Variants in LVRN observed in about 807,000 individuals in gnomAD.
LVRN encodes the protein aminopeptidase Q.
In LVRN, 99 loss-of-function variants were observed where a neutral mutation model predicts 111.4. The observed-to-expected ratio is 0.89, with a 90% CI of 0.76 to 1.05. LVRN has a LOEUF of 1.05. Among genes scored for constraint, LVRN ranks in the 50% least tolerant of loss-of-function variants. LVRN has a pLI of 0.00. For synonymous variants in LVRN, 488 were observed against 449.5 expected (o/e 1.09, Z -1.08); for missense variants, 1,414 against 1,206.8 (o/e 1.17, Z -2.54).
intron 19 of LVRN, among the ~76,000 whole-genome samples, chr5:116,025,723 C>T (rs1321397241): frequency 6.6e-6 from 1 of 152,140 alleles, no homozygotes; most frequent in Non-Finnish European, 1.5e-5. Flanking sequence ...TCAATATGTG[C>T]TTTGGGAATA....
Position 115,993,722 on chromosome 5 carries a change from T to A in LVRN, c.1261-19T>A. The A allele has an allele frequency of 6.6e-7, 1 of 1,508,174 alleles. No individual in the cohort carries two copies. The highest frequency in any genetic ancestry group is 9.1e-7 in the Non-Finnish European group (1 of 1,096,908). 93.4% of individuals were successfully genotyped at this position (1,508,174 alleles called of 1,614,324 possible). ...AATTAAATTTAAGAAAGCTCTTTTTTTCTTCTCATTTCCAAAAGTGGTTTG... is the reference window on the plus strand; with the variant it reads ...AATTAAATTTAAGAAAGCTCTTTTTATCTTCTCATTTCCAAAAGTGGTTTG... On this transcript the variant is annotated intron_variant, in intron 5 of 19. Coordinates refer to ENST00000357872, the MANE Select transcript of LVRN (RefSeq NM_173800.5).
intron 16 of LVRN, among the ~76,000 whole-genome samples, 181 bp downstream of exon 16, chr5:116,014,708 C>T (rs534994111): frequency 3.3e-5 from 5 of 152,226 alleles, no homozygotes; most frequent in East Asian, 3.9e-4. Flanking sequence ...CTGTGTATAA[C>T]GATAGACTAG....
chr5:115,970,629 C>G (rs1302535880), intron 1 of LVRN, among the ~76,000 whole-genome samples: 2 of 152,172 alleles, frequency 1.3e-5, no homozygotes, highest in Non-Finnish European at 2.9e-5. Context: ...TTGTGATCCA[C>G]TCACCTTGGC....
At position 116,022,422 on chromosome 5, in the gene LVRN, TATACA is replaced by T. The variant is rs1435942839; in HGVS notation, c.2792_2796del (p.Thr931ArgfsTer19). The T allele has an allele frequency of 1.3e-6, 2 of 1,572,950 alleles. No individual in the cohort carries two copies. Among genetic ancestry groups the T allele is most frequent in the Non-Finnish European group, 1.7e-6 (2 of 1,151,460 alleles). ...AACACAATCATTGATTAATCTAATA[TATACA>T]ATAGGGAGAACCGTAACTACAGATT... is the stretch of plus-strand genomic sequence containing the variant. On this transcript the variant is annotated frameshift_variant, in exon 19 of 20. Coordinates refer to ENST00000357872, the MANE Select transcript of LVRN (RefSeq NM_173800.5). LOFTEE classifies it low-confidence loss of function (END_TRUNC).
chr5:116,025,825 C>T (rs1484078656), intron 19 of LVRN, among the ~76,000 whole-genome samples, 153 bp from the exon 20 acceptor site: 2 of 152,164 alleles, frequency 1.3e-5, no homozygotes, highest in African/African-American at 4.8e-5. Context: ...TCACAGTCTC[C>T]CCAGGGACAC....
At chr5:115,966,137 T>C (rs1580373213) in intron 1 of LVRN, among the ~76,000 whole-genome samples, 1 of 152,138 alleles carries the variant, frequency 6.6e-6, no homozygotes, top group East Asian at 1.9e-4. Context: ...TATGCGTACA[T>C]TTGCGCAAAA....
chr5:115,985,427 G>A (rs6864491), intron 3 of LVRN, among the ~76,000 whole-genome samples: 65,025 of 151,902 alleles, frequency 0.43, 14,145 homozygotes, highest in South Asian at 0.53. Context: ...AAAAGCATAC[G>A]TGCCCCGGAA....
intron 6 of LVRN, chr5:115,995,574 A>C (rs1431139878): frequency 6.6e-6 from 1 of 152,248 alleles, no homozygotes; most frequent in South Asian, 2.1e-4. Context: ...TAATTTGCCC[A>C]ACTGGGACAG....
intron 1 of LVRN, among the ~76,000 whole-genome samples, chr5:115,965,393 C>A (rs1389091967): frequency 6.6e-6 from 1 of 152,094 alleles, no homozygotes; most frequent in East Asian, 1.9e-4. Flanking sequence ...CTTAACACTA[C>A]TGAACTATTA....
chr5:115,970,439 GTGA>G (rs951962830), intron 1 of LVRN, among the ~76,000 whole-genome samples: 1 of 145,858 alleles, frequency 6.9e-6, no homozygotes, highest in Non-Finnish European at 1.5e-5. Context: ...CTGGAGTACA[GTGA>G]CACAATCTCA....
chr5:116,017,841 A>G (rs925569946), intron 18 of LVRN, among the ~76,000 whole-genome samples: 7 of 152,216 alleles, frequency 4.6e-5, no homozygotes, highest in African/African-American at 1.7e-4. Context: ...ACAAGTCCCT[A>G]TATCATTCAC....
Position 116,026,123 on chromosome 5 carries a change from T to C in LVRN, c.*5T>C. 1.2e-6 allele frequency: 2 copies of C among 1,613,620 alleles called. No individual in the cohort carries two copies. The highest frequency in any genetic ancestry group is 8.5e-7 in the Non-Finnish European group (1 of 1,179,708). On this transcript the variant is annotated 3_prime_UTR_variant, in exon 20 of 20. Coordinates refer to ENST00000357872, the MANE Select transcript of LVRN (RefSeq NM_173800.5). ...TGGCTAAGGAGAAACACATAGCTTG[T>C]GGCTATCTTTCAGCACTCCTCTTGC...
At chr5:115,975,417 A>T (rs1300028179) in intron 1 of LVRN, 1 of 192,486 alleles carries the variant, frequency 5.2e-6, no homozygotes, top group African/African-American at 2.4e-5. Flanking sequence ...AATGCTTCTA[A>T]ACTTTTATTG....
chr5:115,981,423 T>G (rs1482935177), intron 1 of LVRN, among the ~76,000 whole-genome samples: 1 of 152,128 alleles, frequency 6.6e-6, no homozygotes, highest in Non-Finnish European at 1.5e-5. Context: ...CTGTAGCCCC[T>G]AGAACACTTT....
intron 12 of LVRN, among the ~76,000 whole-genome samples, chr5:116,005,375 A>T (rs528795416): frequency 1.3e-5 from 2 of 152,372 alleles, no homozygotes; most frequent in Non-Finnish European, 2.9e-5. Context: ...AGAAGTCTAA[A>T]GAATCACACT....
At chr5:115,964,601 T>C (rs1197476286) in intron 1 of LVRN, among the ~76,000 whole-genome samples, 1 of 48,410 alleles carries the variant, frequency 2.1e-5, no homozygotes, top group Non-Finnish European at 5.0e-5. Flanking sequence ...ATATCTGACT[T>C]TTTTTTTTTT....
intron 15 of LVRN, among the ~76,000 whole-genome samples, chr5:116,014,060 A>AT (rs1269490358): frequency 5.4e-4 from 82 of 152,212 alleles, no homozygotes; most frequent in Admixed American, 5.4e-3. Context: ...CTCTGAAATC[A>AT]TTTTTTATCC....
At chr5:115,976,002 T>G (rs1183388867) in intron 1 of LVRN, 1 of 159,426 alleles carries the variant, frequency 6.3e-6, no homozygotes, top group Non-Finnish European at 1.5e-5. Flanking sequence ...TGGATTTTGA[T>G]GTTTGTTGTG....
In LVRN at chr5:115,963,105, C is replaced by T; in HGVS notation, c.488C>T (p.Ser163Phe). ...CGCGCCGAGGTGCGGGGACCCCTTT[C>T]CCCGGGCACTGGGAACGCCACAGTG... ...CERAEVRGPL[S>F]PGTGNATVGR... The change falls in exon 1 of 20, where the codon TCC becomes TTC. Residue 163 changes from serine (S) to phenylalanine (F), a missense_variant. Ser to Phe is a radical substitution (Grantham distance 155). Coordinates refer to ENST00000357872, the MANE Select transcript of LVRN (RefSeq NM_173800.5). The T allele has an allele frequency of 1.2e-6, 2 of 1,613,618 alleles. No individual in the cohort carries two copies. Among genetic ancestry groups the T allele is most frequent in the Non-Finnish European group, 1.7e-6 (2 of 1,179,940 alleles).
Sources: gnomAD v4.1 joint callset for allele counts (sites outside exome capture counted in the v4.1 genomes callset) on GRCh38, gnomAD v4.1.1 for gene constraint, MANE v1.5 for transcripts, NCBI Gene and HGNC (gene_info 2026-07-23, HGNC 2026-07-21) for gene names.